The following LYPD6 variants were observed in gnomAD, a reference collection of about 807,000 sequenced individuals.
LYPD6 encodes the protein ly6/PLAUR domain-containing protein 6.
A neutral mutation model predicts 22.7 loss-of-function variants in LYPD6; 15 were observed. The ratio of observed to expected loss-of-function variants is 0.66; its 90% CI spans 0.44 to 1.02. LYPD6 has a LOEUF of 1.02. LYPD6 is among the 50% of genes least tolerant of loss of function. LYPD6 has a pLI of 0.00. For missense variants in LYPD6, 189 were observed against 208.4 expected, an observed-to-expected ratio of 0.91 and a Z score of 0.57; for synonymous variants, 72 against 77.5, an observed-to-expected ratio of 0.93 and a Z score of 0.37.
intron 1 of LYPD6, among the ~76,000 whole-genome samples, chr2:149,366,034 A>T (rs1681655146): frequency 6.6e-6 from 1 of 152,222 alleles, no homozygotes; most frequent in Non-Finnish European, 1.5e-5. Flanking sequence ...CTAATGACTT[A>T]CAAGGAAGCT....
chr2:149,378,909 C>T (rs985011690), intron 1 of LYPD6, among the ~76,000 whole-genome samples: 15 of 152,034 alleles, frequency 9.9e-5, no homozygotes, highest in East Asian at 3.9e-4. Context: ...GGTCCTTGAC[C>T]GGAATATAGA....
downstream of LYPD6, among the ~76,000 whole-genome samples, chr2:149,479,055 T>C (rs928589860): frequency 6.6e-6 from 1 of 152,172 alleles, no homozygotes; most frequent in Non-Finnish European, 1.5e-5. Context: ...CAGTCTGTCC[T>C]CAGGCCTCAC....
At chr2:149,453,780 T>A (rs188216688) in intron 3 of LYPD6, among the ~76,000 whole-genome samples, 157 of 152,348 alleles carry the variant, frequency 1.0e-3, no homozygotes, top group Non-Finnish European at 1.2e-3. Context: ...CAGACAACCT[T>A]TGTGTTTGAC....
At chr2:149,368,637 G>A (rs1312196856) in intron 1 of LYPD6, among the ~76,000 whole-genome samples, 2 of 152,148 alleles carry the variant, frequency 1.3e-5, no homozygotes, top group East Asian at 3.9e-4. Context: ...TACCTTAAAG[G>A]AATCAAGGGA....
chr2:149,425,753 C>T (rs1335741533), intron 1 of LYPD6, among the ~76,000 whole-genome samples: 1 of 152,170 alleles, frequency 6.6e-6, no homozygotes, highest in African/African-American at 2.4e-5. Context: ...GAGTTGGGAG[C>T]TTATTTGATA....
chr2:149,409,633 G>C lies in LYPD6; in HGVS notation c.-71-28005G>C, dbSNP rs1489809312. 2.6e-5 allele frequency among the ~76,000 whole-genome samples: 4 copies of C among 152,112 alleles called. No individual in the cohort carries two copies. The East Asian group carries it at 7.7e-4, about 29-fold the overall frequency. ...GGGTGGGGCTTGTTGCAGCTGTTGT[G>C]GGGGTTGGGAGTATGGTTCCCAGTC... On this transcript the variant is annotated intron_variant, in intron 1 of 4. Transcript: ENST00000334166.
chr2:149,432,277 T>C (rs1466084141), intron 1 of LYPD6, among the ~76,000 whole-genome samples: 1 of 152,172 alleles, frequency 6.6e-6, no homozygotes, highest in Admixed American at 6.5e-5. Flanking sequence ...AGAATGCATA[T>C]GTCCACACAC....
chr2:149,444,916 T>A (rs1342621199), intron 2 of LYPD6, among the ~76,000 whole-genome samples: 1 of 152,250 alleles, frequency 6.6e-6, no homozygotes, highest in Non-Finnish European at 1.5e-5. Context: ...AGATGATTAA[T>A]CCTTTCTAGA....
At position 149,358,028 on chromosome 2, in the gene LYPD6, C is replaced by T. The variant is rs754373805; in HGVS notation, c.-72+27306C>T. Among the ~76,000 whole-genome samples, 106 of 152,170 alleles carry T rather than the reference C, an allele frequency of 7.0e-4. 1 individual carries two copies. The highest frequency in any genetic ancestry group is 1.4e-3 in the Non-Finnish European group (96 of 68,002). ...CTTGATCTCCTGACCTCAGGTGATCCGCCCGCTTCGGCCTCCCAGAGTGCT... is the reference window on the plus strand; with the variant it reads ...CTTGATCTCCTGACCTCAGGTGATCTGCCCGCTTCGGCCTCCCAGAGTGCT... On this transcript the variant is annotated intron_variant, in intron 1 of 4. Transcript: ENST00000334166.
intron 3 of LYPD6, among the ~76,000 whole-genome samples, chr2:149,451,307 T>C (rs1448531800): frequency 2.0e-5 from 3 of 152,112 alleles, no homozygotes; most frequent in African/African-American, 7.2e-5. Flanking sequence ...ATCCCATTCT[T>C]GAGGGCTCCA....
intron 1 of LYPD6, among the ~76,000 whole-genome samples, chr2:149,427,522 C>T (rs1055683851): frequency 6.6e-6 from 1 of 152,192 alleles, no homozygotes; most frequent in African/African-American, 2.4e-5. Context: ...TGTCAGTTCT[C>T]AAGAACCTTC....
chr2:149,452,716 T>C (rs1680863123), intron 3 of LYPD6, among the ~76,000 whole-genome samples: 1 of 152,250 alleles, frequency 6.6e-6, no homozygotes, highest in African/African-American at 2.4e-5. Flanking sequence ...TCAAGAATTT[T>C]CTAAAGCTAA....
chr2:149,409,230 G>A (rs1044466231), intron 1 of LYPD6, among the ~76,000 whole-genome samples: 1 of 152,192 alleles, frequency 6.6e-6, no homozygotes, highest in Non-Finnish European at 1.5e-5. Context: ...GTACTGTGTA[G>A]TGTCTGCAGA....
At chr2:149,339,827 G>A (rs188379903) in intron 1 of LYPD6, among the ~76,000 whole-genome samples, 11 of 152,270 alleles carry the variant, frequency 7.2e-5, no homozygotes, top group African/African-American at 2.6e-4. Flanking sequence ...GTGTTTAGGT[G>A]TATGCGTGAG....
intron 1 of LYPD6, among the ~76,000 whole-genome samples, chr2:149,378,669 C>T (rs1308817214): frequency 6.6e-6 from 1 of 152,236 alleles, no homozygotes. Flanking sequence ...CAGCAATTTG[C>T]CCTGTATTTA....
chr2:149,377,468 C>G (rs188117127), intron 1 of LYPD6, among the ~76,000 whole-genome samples: 1 of 152,036 alleles, frequency 6.6e-6, no homozygotes, highest in Non-Finnish European at 1.5e-5. Context: ...CTCACAGGCC[C>G]GGTAATAATG....
chr2:149,333,646 T>C (rs975834486), intron 1 of LYPD6, among the ~76,000 whole-genome samples: 34 of 152,362 alleles, frequency 2.2e-4, no homozygotes, highest in Middle Eastern at 3.4e-3. Context: ...CTGCTCTAGA[T>C]GCTAGGGATA....
intron 1 of LYPD6, among the ~76,000 whole-genome samples, chr2:149,405,284 G>T (rs951138523): frequency 3.3e-5 from 5 of 151,996 alleles, no homozygotes; most frequent in African/African-American, 7.3e-5. Context: ...TTTTTCTATT[G>T]ATTGGAATAG....
intron 1 of LYPD6, among the ~76,000 whole-genome samples, chr2:149,371,777 G>A (rs1328669632): frequency 6.6e-6 from 1 of 152,208 alleles, no homozygotes; most frequent in African/African-American, 2.4e-5. Context: ...TTTCCAGTAA[G>A]AAATGGGATG....
Sources: allele counts gnomAD v4.1 joint callset (sites outside exome capture counted in the v4.1 genomes callset), GRCh38; gene constraint gnomAD v4.1.1; transcripts MANE v1.5; gene names NCBI Gene and HGNC (gene_info 2026-07-23, HGNC 2026-07-21).